RNF145: variants seen among roughly 807,000 people sequenced by gnomAD.
RNF145 encodes ring finger protein 145.
A neutral mutation model predicts 57.3 loss-of-function variants in RNF145; 12 were observed. The observed-to-expected ratio is 0.21, with a 90% CI of 0.13 to 0.34. The LOEUF (loss-of-function observed/expected upper bound fraction) is 0.34. RNF145 is among the 10% of genes least tolerant of loss of function. The pLI is 1.00. For synonymous variants in RNF145, 262 were observed against 288.3 expected (o/e 0.91, Z 0.92); for missense variants, 429 against 799.0 (o/e 0.54, Z 5.58).
Position 159,158,529 on chromosome 5 carries a change from G to A in RNF145, c.*141C>T. On this transcript the variant is annotated 3_prime_UTR_variant, in exon 11 of 11. Transcript: ENST00000424310. ...GATGAAAGCAGGTGGTCCCCACTGA[G>A]AGTACTTCCTGGATTAGATCCTTGG... is the stretch of plus-strand genomic sequence containing the variant. 2 of 1,082,186 alleles carry A rather than the reference G, an allele frequency of 1.8e-6. No individual in the cohort carries two copies. The highest frequency in any genetic ancestry group is 2.6e-6 in the Non-Finnish European group (2 of 758,350). The allele number at this position is 1,082,186 out of a possible 1,614,324, so 67.0% of individuals were successfully genotyped here. A position where few individuals can be genotyped will look rare whatever the true frequency, so the allele number is the denominator to read the frequency against.
At position 159,182,134 on chromosome 5, in the gene RNF145, T is replaced by C; in HGVS notation, c.294-83A>G. On this transcript the variant is annotated intron_variant, in intron 3 of 10. Transcript: ENST00000424310. Reference sequence around the variant, plus strand: ...ATATGCTTATAAAAGCATATTATGTTAATGATACCCCTTTCCATATCTAAG... The same window carrying C: ...ATATGCTTATAAAAGCATATTATGTCAATGATACCCCTTTCCATATCTAAG... 5.1e-6 allele frequency: 4 copies of C among 783,004 alleles called. 1 individual carries two copies. The South Asian group carries it at 7.1e-5, about 14-fold the overall frequency. The allele number at this position is 783,004 out of a possible 1,614,324, so 48.5% of individuals were successfully genotyped here.
intron 3 of RNF145, among the ~76,000 whole-genome samples, chr5:159,182,309 G>A (rs1394915431): frequency 1.3e-5 from 2 of 151,886 alleles, no homozygotes; most frequent in African/African-American, 4.8e-5. Flanking sequence ...TCTTTTCATG[G>A]CCTTATTAAA....
intron 5 of RNF145, 45 bp downstream of exon 5, chr5:159,176,587 T>C (rs905831738): frequency 1.9e-6 from 2 of 1,079,908 alleles, no homozygotes; most frequent in Admixed American, 2.0e-5. Context: ...ACTTAACATT[T>C]ATGTAGAATT....
At chr5:159,173,960 T>C (rs1050721427) in intron 6 of RNF145, 23 bp downstream of exon 6, 3 of 1,553,736 alleles carry the variant, frequency 1.9e-6, no homozygotes, top group African/African-American at 2.8e-5. Flanking sequence ...TTATATATAG[T>C]ATCATAGGCT....
intron 1 of RNF145, chr5:159,207,640 C>A: frequency 6.2e-7 from 1 of 1,607,392 alleles, no homozygotes; most frequent in South Asian, 1.1e-5. Flanking sequence ...TAAGTAAAAG[C>A]CCAGAACTGA....
intron 1 of RNF145, among the ~76,000 whole-genome samples, chr5:159,206,553 C>T (rs1785887836): frequency 2.0e-5 from 3 of 152,146 alleles, no homozygotes; most frequent in Admixed American, 1.3e-4. Context: ...TGCCAAATCA[C>T]TATATCATAC....
intron 4 of RNF145, among the ~76,000 whole-genome samples, chr5:159,178,706 A>G (rs571171361): frequency 6.6e-6 from 1 of 152,192 alleles, no homozygotes; most frequent in African/African-American, 2.4e-5. Context: ...TTTGGATTTC[A>G]GATTTTGGGA....
At chr5:159,170,509 C>T (rs1195397451) in intron 6 of RNF145, among the ~76,000 whole-genome samples, 1 of 152,126 alleles carries the variant, frequency 6.6e-6, no homozygotes, top group Non-Finnish European at 1.5e-5. Flanking sequence ...CATTGAACTT[C>T]TTAGATATTA....
At chr5:159,207,989 A>T (rs1220407201) in intron 1 of RNF145, 4 of 1,559,046 alleles carry the variant, frequency 2.6e-6, no homozygotes, top group Non-Finnish European at 3.5e-6. Flanking sequence ...TCCGTATTTT[A>T]AAAAATAAAA....
intron 1 of RNF145, chr5:159,208,214 C>G: frequency 7.8e-7 from 1 of 1,285,258 alleles, no homozygotes; most frequent in Non-Finnish European, 1.0e-6. Flanking sequence ...GCAGCAGTAG[C>G]AGCAGCAACC....
intron 2 of RNF145, among the ~76,000 whole-genome samples, chr5:159,195,968 CT>C (rs1245855973): frequency 1.3e-5 from 2 of 152,218 alleles, no homozygotes; most frequent in African/African-American, 4.8e-5. Flanking sequence ...AACCTGTCAT[CT>C]TTTCTCTCTT....
At chr5:159,183,183 T>C (rs999533238) in intron 3 of RNF145, among the ~76,000 whole-genome samples, 3 of 152,234 alleles carry the variant, frequency 2.0e-5, no homozygotes, top group Admixed American at 6.5e-5. Flanking sequence ...TCTTAGATGA[T>C]GGTTTCTAAC....
chr5:159,188,248 A>G (rs764960647), intron 3 of RNF145, among the ~76,000 whole-genome samples: 8 of 152,120 alleles, frequency 5.3e-5, no homozygotes, highest in Non-Finnish European at 1.0e-4. Context: ...TTAGCTGGGC[A>G]TGGTGGCAGG....
chr5:159,207,920 C>A, intron 1 of RNF145: 2 of 1,611,010 alleles, frequency 1.2e-6, no homozygotes. Context: ...TGGGTCACGA[C>A]TGCAGCACCG....
chr5:159,176,074 T>G (rs750852403), intron 5 of RNF145, among the ~76,000 whole-genome samples: 3 of 152,166 alleles, frequency 2.0e-5, no homozygotes, highest in Non-Finnish European at 4.4e-5. Context: ...TCAAGTACTA[T>G]ATCTAAATGA....
At chr5:159,171,813 A>AATTT (rs1201571543) in intron 6 of RNF145, among the ~76,000 whole-genome samples, 1 of 152,178 alleles carries the variant, frequency 6.6e-6, no homozygotes, top group Non-Finnish European at 1.5e-5. Flanking sequence ...AAGAACAGAG[A>AATTT]ATAACTCTTA....
chr5:159,184,959 C>G (rs1785011159), intron 3 of RNF145, among the ~76,000 whole-genome samples: 1 of 152,130 alleles, frequency 6.6e-6, no homozygotes, highest in African/African-American at 2.4e-5. Flanking sequence ...AATGACAGCC[C>G]TGATGTTAAG....
chr5:159,173,553 T>C (rs778229678), intron 6 of RNF145, among the ~76,000 whole-genome samples: 40 of 152,166 alleles, frequency 2.6e-4, no homozygotes, highest in Non-Finnish European at 4.4e-4. Flanking sequence ...TTTCTTCAGC[T>C]ATAAAATGGT....
Position 159,203,457 on chromosome 5 carries a change from A to C in RNF145, c.161T>G (p.Leu54Trp), listed in dbSNP as rs1413945568. 7 of 1,613,406 alleles carry C rather than the reference A, an allele frequency of 4.3e-6. No individual in the cohort carries two copies. In the Admixed American group the frequency reaches 1.2e-4, roughly 27 times the overall value. ...ACCTACATAATGCATATTAAGAGCC[A>C]AATACTTATACTGGAAAAGAGGGTT... ...SNNPLFQYKY[L>W]ALNMHYVGYI... Residue 54 changes from leucine to tryptophan, a missense_variant, in exon 2 of 11, where the codon TTG (leucine) becomes TGG (tryptophan). Around this residue, in one of 4 missense-constraint regions of RNF145, gnomAD observed 109 missense variants for 207.2 expected, o/e 0.53. Transcript: ENST00000424310.
Sources: allele counts gnomAD v4.1 joint callset (sites outside exome capture counted in the v4.1 genomes callset), GRCh38; gene constraint gnomAD v4.1.1; regional missense constraint gnomAD v4.1.1; transcripts MANE v1.5; gene names NCBI Gene and HGNC (gene_info 2026-07-23, HGNC 2026-07-21).